ERC2: variants seen among roughly 807,000 people sequenced by gnomAD.
ERC2 encodes the protein ELKS/RAB6-interacting/CAST family member 2, also known as ERC protein 2.
Under a neutral mutation model 114.8 loss-of-function variants are expected in ERC2, and 42 were observed. That is an observed-to-expected ratio of 0.37 (90% CI 0.29 to 0.47). The LOEUF is 0.47. Among genes scored for constraint, ERC2 ranks in the 20% least tolerant of loss-of-function variants. The pLI is 0.99. For synonymous variants in ERC2, 454 were observed against 425.5 expected, an observed-to-expected ratio of 1.07 and a Z score of -0.82; for missense variants, 939 against 1,150.7, an observed-to-expected ratio of 0.82 and a Z score of 2.66.
intron 1 of ERC2, among the ~76,000 whole-genome samples, chr3:56,446,083 C>T (rs1235520318): frequency 6.6e-6 from 1 of 152,162 alleles, no homozygotes; most frequent in African/African-American, 2.4e-5. Flanking sequence ...GAGGCTGTCC[C>T]TCCTCAGATC....
intron 14 of ERC2, among the ~76,000 whole-genome samples, chr3:55,877,650 C>T (rs2149297316): frequency 6.6e-6 from 1 of 151,680 alleles, no homozygotes; most frequent in South Asian, 2.1e-4. Context: ...TAGCTGGGAC[C>T]ACAGGTACAC....
intron 1 of ERC2, among the ~76,000 whole-genome samples, chr3:56,447,088 C>T (rs1454892561): frequency 2.0e-5 from 3 of 152,194 alleles, no homozygotes; most frequent in Non-Finnish European, 4.4e-5. Context: ...AAGAGAAAGC[C>T]CTCATGTTCC....
intron 13 of ERC2, among the ~76,000 whole-genome samples, chr3:55,911,432 C>T (rs553196553): frequency 5.9e-5 from 9 of 152,030 alleles, no homozygotes; most frequent in East Asian, 5.8e-4. Context: ...TCATCGTAAG[C>T]GGCTAGTCTG....
intron 16 of ERC2, among the ~76,000 whole-genome samples, chr3:55,690,283 G>A (rs1453106749): frequency 6.6e-6 from 1 of 152,106 alleles, no homozygotes; most frequent in Admixed American, 6.5e-5. Context: ...TGCTGCAAGT[G>A]CCTGGAGTGT....
intron 13 of ERC2, among the ~76,000 whole-genome samples, chr3:55,933,208 C>CAAA (rs36050362): frequency 2.9e-5 from 4 of 138,286 alleles, no homozygotes; most frequent in Non-Finnish European, 3.1e-5. Context: ...GACTTTGTCT[C>CAAA]AAAAAAAAAA....
intron 2 of ERC2, among the ~76,000 whole-genome samples, chr3:56,310,212 A>G (rs1414349539): frequency 6.6e-6 from 1 of 152,212 alleles, no homozygotes; most frequent in African/African-American, 2.4e-5. Context: ...AAAAAAAACT[A>G]CAGTTTAAGA....
intron 17 of ERC2, among the ~76,000 whole-genome samples, chr3:55,571,151 A>G (rs77326215): frequency 6.7e-6 from 1 of 149,444 alleles, no homozygotes; most frequent in East Asian, 1.9e-4. Flanking sequence ...AAAAAAAAAA[A>G]GTAATTCAAT....
At chr3:55,624,294 C>A (rs1344977268) in intron 17 of ERC2, among the ~76,000 whole-genome samples, 1 of 152,014 alleles carries the variant, frequency 6.6e-6, no homozygotes, top group Non-Finnish European at 1.5e-5. Context: ...CGCAGGGGGG[C>A]CCATGCGGGA....
chr3:55,797,024 T>G (rs2070567436), intron 14 of ERC2, among the ~76,000 whole-genome samples: 1 of 152,176 alleles, frequency 6.6e-6, no homozygotes, highest in Non-Finnish European at 1.5e-5. Context: ...ACATCTAGAA[T>G]GTAAGACTAT....
chr3:56,319,288 C>G (rs895274639), intron 2 of ERC2, among the ~76,000 whole-genome samples: 1 of 150,596 alleles, frequency 6.6e-6, no homozygotes, highest in Non-Finnish European at 1.5e-5. Flanking sequence ...TATATACACA[C>G]AACAGAATAT....
chr3:55,601,204 C>T (rs1048443344), intron 17 of ERC2, among the ~76,000 whole-genome samples: 22 of 152,018 alleles, frequency 1.4e-4, no homozygotes, highest in African/African-American at 5.3e-4. Flanking sequence ...TTCCAAAAAC[C>T]CAGAAAGCCA....
At chr3:55,769,464 A>G (rs575366549) in intron 14 of ERC2, among the ~76,000 whole-genome samples, 1 of 152,036 alleles carries the variant, frequency 6.6e-6, no homozygotes, top group African/African-American at 2.4e-5. Context: ...TGGGTTGGGC[A>G]GAAGGTAGAA....
At chr3:55,751,478 G>C (rs11130482) in intron 14 of ERC2, among the ~76,000 whole-genome samples, 125,463 of 152,148 alleles carry the variant, frequency 0.82, 52,255 homozygotes, top group African/African-American at 0.94. Context: ...CCTCTCTTTC[G>C]TTTGTTCATT....
At chr3:56,227,794 G>A (rs899972263) in intron 3 of ERC2, among the ~76,000 whole-genome samples, 1 of 152,170 alleles carries the variant, frequency 6.6e-6, no homozygotes, top group Admixed American at 6.5e-5. Flanking sequence ...AGAGAAATGA[G>A]CGAAGATGTC....
At chr3:55,988,665 T>C (rs1421931843) in intron 11 of ERC2, among the ~76,000 whole-genome samples, 1 of 152,222 alleles carries the variant, frequency 6.6e-6, no homozygotes, top group Non-Finnish European at 1.5e-5. Context: ...TTCCTCCTTT[T>C]AAAAGAGGTC....
chr3:56,217,215 T>C (rs1422140449), intron 3 of ERC2, among the ~76,000 whole-genome samples: 5 of 152,332 alleles, frequency 3.3e-5, no homozygotes, highest in Admixed American at 1.3e-4. Context: ...TGTTTGCAGA[T>C]GACATGATTG....
chr3:56,020,193 G>A (rs1268891763), intron 7 of ERC2, among the ~76,000 whole-genome samples: 1 of 152,102 alleles, frequency 6.6e-6, no homozygotes, highest in Non-Finnish European at 1.5e-5. Flanking sequence ...TCAATCTGGA[G>A]GACATGGTCT....
At chr3:55,889,651 T>C (rs538881587) in intron 13 of ERC2, among the ~76,000 whole-genome samples, 38 of 152,234 alleles carry the variant, frequency 2.5e-4, no homozygotes, top group African/African-American at 8.9e-4. Context: ...TGCCATCCCT[T>C]GCACAGATGC....
rs548791662 is a variant in ERC2 at position 55,752,149 on chromosome 3, AG to A, written c.2565-17232del. Among the ~76,000 whole-genome samples, 359 of 152,320 alleles carry A rather than the reference AG, an allele frequency of 2.4e-3. 5 individuals are homozygous for A. The highest frequency in any genetic ancestry group is 8.0e-3 in the African/African-American group (334 of 41,572). ...GAAAGAAAATCTGTTAGCCCCACCT[AG>A]GTCAATCAGTTATGGCCTGATTTCC... On this transcript the variant is annotated intron_variant, in intron 14 of 17. Coordinates refer to ENST00000288221, the MANE Select transcript of ERC2 (RefSeq NM_015576.3).
Sources: allele counts gnomAD v4.1 joint callset (sites outside exome capture counted in the v4.1 genomes callset), GRCh38; gene constraint gnomAD v4.1.1; transcripts MANE v1.5; gene names NCBI Gene and HGNC (gene_info 2026-07-23, HGNC 2026-07-21).